Variants in ZFHX3 observed in about 807,000 individuals in gnomAD.
The protein encoded by ZFHX3 is zinc finger homeobox 3, also known as zinc finger homeobox protein 3.
Under a neutral mutation model 279.1 loss-of-function variants are expected in ZFHX3, and 42 were observed. That is an observed-to-expected ratio of 0.15 (90% CI 0.12 to 0.19). ZFHX3 has a LOEUF of 0.19. ZFHX3 is among the 10% of genes least tolerant of loss of function. The pLI is 1.00. For missense variants in ZFHX3, 4,981 were observed against 4,754.0 expected, an observed-to-expected ratio of 1.05 and a Z score of -1.40; for synonymous variants, 2,293 against 1,957.8, an observed-to-expected ratio of 1.17 and a Z score of -4.52.
At chr16:73,522,182 G>C (rs939505568) in intron 2 of ZFHX3, among the ~76,000 whole-genome samples, 1 of 152,148 alleles carries the variant, frequency 6.6e-6, no homozygotes, top group African/African-American at 2.4e-5. Flanking sequence ...AAAATTAATT[G>C]TGAAAAATTG....
intron 3 of ZFHX3, among the ~76,000 whole-genome samples, chr16:73,378,343 C>T (rs1452345885): frequency 1.3e-5 from 2 of 152,144 alleles, no homozygotes; most frequent in African/African-American, 4.8e-5. Context: ...AATCATTCAT[C>T]CCCACCAAAT....
intron 1 of ZFHX3, among the ~76,000 whole-genome samples, chr16:73,818,516 C>T (rs538035542): frequency 1.2e-3 from 187 of 152,302 alleles, no homozygotes; most frequent in African/African-American, 4.3e-3. Flanking sequence ...GAGGCTGAAA[C>T]CTAGGAAAGG....
At chr16:73,063,987 G>C (rs1346041620), upstream of ZFHX3, among the ~76,000 whole-genome samples, 2 of 152,272 alleles carry the variant, frequency 1.3e-5, no homozygotes, top group East Asian at 3.9e-4. Flanking sequence ...CGTTCTGGGG[G>C]CTGTAGGGAT....
intron 1 of ZFHX3, among the ~76,000 whole-genome samples, chr16:73,026,180 C>T (rs1290758506): frequency 9.5e-6 from 1 of 105,012 alleles, no homozygotes; most frequent in Non-Finnish European, 1.8e-5. Flanking sequence ...AACCCCATCT[C>T]TACAAAAAAT....
intron 1 of ZFHX3, among the ~76,000 whole-genome samples, chr16:73,797,848 CTT>C (rs1392969725): frequency 1.7e-5 from 2 of 117,034 alleles, no homozygotes; most frequent in African/African-American, 6.9e-5. Context: ...CAATTGCACT[CTT>C]GTCACCCAGG....
chr16:73,827,835 A>C (rs142372660), intron 1 of ZFHX3, among the ~76,000 whole-genome samples: 1 of 123,450 alleles, frequency 8.1e-6, no homozygotes, highest in Non-Finnish European at 1.6e-5. Context: ...TATGTGGTCA[A>C]TTTTGGAATA....
At chr16:72,867,444 A>T (rs2038049588) in intron 4 of ZFHX3, among the ~76,000 whole-genome samples, 1 of 152,238 alleles carries the variant, frequency 6.6e-6, no homozygotes, top group Admixed American at 6.5e-5. Context: ...AGATTGCAAG[A>T]CACATGGAAC....
intron 4 of ZFHX3, among the ~76,000 whole-genome samples, chr16:73,266,657 C>T (rs899915468): frequency 5.9e-5 from 9 of 152,152 alleles, no homozygotes; most frequent in East Asian, 1.9e-4. Flanking sequence ...TTTCACAATT[C>T]CCACATGTCA....
chr16:73,474,238 C>A (rs1006282213), intron 2 of ZFHX3, among the ~76,000 whole-genome samples: 6 of 152,120 alleles, frequency 3.9e-5, no homozygotes, highest in Non-Finnish European at 7.3e-5. Flanking sequence ...ACCTCCACCT[C>A]CCAGGCTCAA....
At chr16:73,081,835 C>CTTT (rs369769502) in intron 8 of ZFHX3, among the ~76,000 whole-genome samples, 8 of 133,002 alleles carry the variant, frequency 6.0e-5, no homozygotes, top group East Asian at 2.2e-4. Flanking sequence ...TTGTCCACAT[C>CTTT]TTTTTTTTTT....
In ZFHX3 at chr16:72,800,085, T is replaced by C; in HGVS notation, c.3909A>G (p.Pro1303=). 6.2e-7 allele frequency: 1 copy of C among 1,614,190 alleles called. No individual in the cohort carries two copies. Among genetic ancestry groups the C allele is most frequent in the Non-Finnish European group, 8.5e-7 (1 of 1,180,034 alleles). The change falls in exon 8 of 10, where the codon CCA becomes CCG. Residue 1303 remains proline (P), a synonymous_variant. Transcript: ENST00000268489. ...TCCCATCTCGATCTGGAACAGCTGCTGGGAGGAACATGCTGCTTGGCATCA... is the reference window on the plus strand; with the variant it reads ...TCCCATCTCGATCTGGAACAGCTGCCGGGAGGAACATGCTGCTTGGCATCA... ...EMVMPSSMFL[P]AAVPDRDGNS...
chr16:73,624,576 C>T (rs1436220902), intron 2 of ZFHX3, among the ~76,000 whole-genome samples: 1 of 151,376 alleles, frequency 6.6e-6, no homozygotes, highest in Admixed American at 6.6e-5. Flanking sequence ...GAATGTCCAT[C>T]ATTTTTTCTA....
intron 4 of ZFHX3, among the ~76,000 whole-genome samples, chr16:73,279,510 C>A (rs769690885): frequency 6.6e-6 from 1 of 151,850 alleles, no homozygotes; most frequent in African/African-American, 2.4e-5. Flanking sequence ...AATGAGGAAC[C>A]CAATGGAAAT....
chr16:73,165,044 C>T (rs1273728846), intron 5 of ZFHX3, among the ~76,000 whole-genome samples: 2 of 152,132 alleles, frequency 1.3e-5, no homozygotes, highest in Non-Finnish European at 2.9e-5. Flanking sequence ...AAGTTTGGAA[C>T]CAAAAGATGC....
intron 2 of ZFHX3, among the ~76,000 whole-genome samples, chr16:73,547,554 T>C (rs1246699556): frequency 2.0e-5 from 3 of 152,086 alleles, no homozygotes; most frequent in Non-Finnish European, 4.4e-5. Context: ...GTTTCAACCA[T>C]GGATGGGGGG....
intron 8 of ZFHX3, among the ~76,000 whole-genome samples, chr16:73,066,726 C>T (rs1028923617): frequency 6.6e-6 from 1 of 152,220 alleles, no homozygotes; most frequent in Non-Finnish European, 1.5e-5. Context: ...GGGCGCACCT[C>T]GCGCCCAGGG....
Position 73,603,772 on chromosome 16 carries a change from C to CTTTTT in ZFHX3, c.-1547+76403_-1547+76407dup, listed in dbSNP as rs11459049. Among the ~76,000 whole-genome samples, 11 of 105,480 alleles carry CTTTTT rather than the reference C, an allele frequency of 1.0e-4. 1 individual carries two copies. Among genetic ancestry groups the CTTTTT allele is most frequent in the African/African-American group, 2.2e-4 (6 of 27,808 alleles). The allele number at this position is 105,480 out of a possible 152,430, so 69.2% of individuals were successfully genotyped here. ...TAAAAATACTCAGGAAAAAAATACG[C>CTTTTT]TTTTTTTTTTTTTTTTTTTGAGATG... On this transcript the variant is annotated intron_variant, in intron 2 of 17. Transcript: ENST00000641206.
intron 4 of ZFHX3, among the ~76,000 whole-genome samples, chr16:73,290,872 A>C (rs1041558704): frequency 1.3e-5 from 2 of 152,238 alleles, no homozygotes; most frequent in Non-Finnish European, 2.9e-5. Context: ...ATTCCTATTC[A>C]GAGCAAAGCC....
chr16:73,035,058 C>G (rs1438258410), intron 1 of ZFHX3, among the ~76,000 whole-genome samples: 1 of 152,130 alleles, frequency 6.6e-6, no homozygotes, highest in Non-Finnish European at 1.5e-5. Context: ...CACTAGGTAG[C>G]CACCGACCCT....
Sources: gnomAD v4.1 joint callset for allele counts (sites outside exome capture counted in the v4.1 genomes callset) on GRCh38, gnomAD v4.1.1 for gene constraint, MANE v1.5 for transcripts, NCBI Gene and HGNC (gene_info 2026-07-23, HGNC 2026-07-21) for gene names.